The following CSMD1 variants were observed in gnomAD, a reference collection of about 807,000 sequenced individuals.
CSMD1 encodes CUB and Sushi multiple domains 1.
A neutral mutation model predicts 417.5 loss-of-function variants in CSMD1; 213 were observed. The observed-to-expected ratio is 0.51, with a 90% CI of 0.46 to 0.57. CSMD1 has a LOEUF of 0.57. CSMD1 is among the 20% of genes least tolerant of loss of function. CSMD1 has a pLI of 0.00. For missense variants in CSMD1, 6,923 were observed against 4,529.7 expected (o/e 1.53, Z -15.17); for synonymous variants, 2,862 against 1,736.8 (o/e 1.65, Z -16.11).
intron 3 of CSMD1, among the ~76,000 whole-genome samples, chr8:4,313,233 A>G (rs886285966): frequency 6.6e-6 from 1 of 152,046 alleles, no homozygotes; most frequent in African/African-American, 2.4e-5. Flanking sequence ...CCCTGAAAAA[A>G]CCTAGTTGGC....
chr8:3,631,987 T>G (rs1477521120), intron 7 of CSMD1, among the ~76,000 whole-genome samples: 2 of 152,236 alleles, frequency 1.3e-5, no homozygotes, highest in Non-Finnish European at 2.9e-5. Flanking sequence ...CATTGTACAC[T>G]TAGAAATTAC....
chr8:3,945,178 CAAA>C (rs138900503), intron 5 of CSMD1, among the ~76,000 whole-genome samples: 26,536 of 119,146 alleles, frequency 0.22, 1,893 homozygotes, highest in South Asian at 0.29. Flanking sequence ...ATGAGAAAGA[CAAA>C]AAAAAAAAAA....
intron 5 of CSMD1, among the ~76,000 whole-genome samples, chr8:3,855,273 A>G (rs1345429049): frequency 6.6e-6 from 1 of 152,226 alleles, no homozygotes; most frequent in East Asian, 1.9e-4. Context: ...ATTGCATACA[A>G]AAATCTGTCT....
intron 3 of CSMD1, among the ~76,000 whole-genome samples, chr8:4,314,231 C>A (rs1338153247): frequency 1.3e-5 from 2 of 151,928 alleles, no homozygotes; most frequent in African/African-American, 4.8e-5. Context: ...AGTTAAGTCA[C>A]AACACAATGC....
intron 11 of CSMD1, among the ~76,000 whole-genome samples, chr8:3,473,239 G>A (rs1817208338): frequency 6.6e-6 from 1 of 152,108 alleles, no homozygotes; most frequent in African/African-American, 2.4e-5. Context: ...GAAACAGTCA[G>A]CAAGCACACT....
intron 36 of CSMD1, among the ~76,000 whole-genome samples, chr8:3,187,591 C>A (rs1796137379): frequency 6.6e-6 from 1 of 152,118 alleles, no homozygotes; most frequent in South Asian, 2.1e-4. Context: ...CATTACTATT[C>A]CTGGCTTCTG....
chr8:2,978,981 A>G (rs1456755238), intron 54 of CSMD1, among the ~76,000 whole-genome samples, 181 bp from the exon 55 acceptor site: 2 of 152,166 alleles, frequency 1.3e-5, no homozygotes, highest in African/African-American at 4.8e-5. Context: ...CTCTTTTTCA[A>G]GAGGTGTCAA....
chr8:3,880,553 T>A (rs1003455950), intron 5 of CSMD1, among the ~76,000 whole-genome samples: 2 of 152,314 alleles, frequency 1.3e-5, no homozygotes, highest in Middle Eastern at 3.4e-3. Context: ...TGCTTCTCAG[T>A]AGCATTGTGA....
At chr8:3,228,561 T>G (rs1438979640) in intron 27 of CSMD1, among the ~76,000 whole-genome samples, 1 of 152,222 alleles carries the variant, frequency 6.6e-6, no homozygotes, top group Admixed American at 6.5e-5. Flanking sequence ...ATTTACCTTT[T>G]GGTGCGTATT....
chr8:3,716,564 G>A (rs548959323), intron 6 of CSMD1, among the ~76,000 whole-genome samples: 1 of 152,114 alleles, frequency 6.6e-6, no homozygotes, highest in Admixed American at 6.6e-5. Flanking sequence ...TCCCCGTCTT[G>A]GTTTCGGGAG....
Position 4,798,718 on chromosome 8 carries a change from A to G in CSMD1, c.86-161160T>C, listed in dbSNP as rs563727500. 2.0e-5 allele frequency among the ~76,000 whole-genome samples: 3 copies of G among 152,360 alleles called. No individual in the cohort carries two copies. In the East Asian group the frequency reaches 5.8e-4, roughly 29 times the overall value. On this transcript the variant is annotated intron_variant, in intron 1 of 69. Coordinates refer to ENST00000635120, the MANE Select transcript of CSMD1 (RefSeq NM_033225.6). ...GAAAAATACCAATTTGTTAAAAAAAAGTAGAAACTTACATTTATTAATAGG... is the reference window on the plus strand; with the variant it reads ...GAAAAATACCAATTTGTTAAAAAAAGGTAGAAACTTACATTTATTAATAGG...
At chr8:4,019,108 T>C (rs1796661248) in intron 4 of CSMD1, among the ~76,000 whole-genome samples, 1 of 152,196 alleles carries the variant, frequency 6.6e-6, no homozygotes, top group African/African-American at 2.4e-5. Context: ...GCTAGATACA[T>C]ATTTTTGTAC....
At chr8:4,201,601 T>C (rs573904513) in intron 3 of CSMD1, among the ~76,000 whole-genome samples, 2 of 133,100 alleles carry the variant, frequency 1.5e-5, no homozygotes, top group African/African-American at 2.8e-5. Flanking sequence ...GCAACAACTG[T>C]AGAAGAAAAT....
intron 17 of CSMD1, among the ~76,000 whole-genome samples, chr8:3,390,063 T>G (rs549496248): frequency 6.6e-6 from 1 of 152,092 alleles, no homozygotes; most frequent in South Asian, 2.1e-4. Context: ...AGAAAGAACA[T>G]CTGGAATTTG....
intron 1 of CSMD1, among the ~76,000 whole-genome samples, chr8:4,983,172 G>A (rs957425898): frequency 3.3e-5 from 5 of 152,256 alleles, no homozygotes; most frequent in East Asian, 3.9e-4. Context: ...TGAATATAGG[G>A]TTTCAAAGCT....
intron 2 of CSMD1, among the ~76,000 whole-genome samples, chr8:4,551,813 G>A (rs1176857620): frequency 6.6e-6 from 1 of 151,786 alleles, no homozygotes; most frequent in Non-Finnish European, 1.5e-5. Flanking sequence ...CTAGTAGCTG[G>A]GATACCTGGC....
intron 1 of CSMD1, among the ~76,000 whole-genome samples, chr8:4,712,326 C>G (rs918628145): frequency 6.6e-6 from 1 of 152,188 alleles, no homozygotes; most frequent in East Asian, 1.9e-4. Context: ...TCACTTCCAA[C>G]CACGCATTTC....
chr8:4,244,743 C>T (rs1802601235), intron 3 of CSMD1, among the ~76,000 whole-genome samples: 1 of 151,892 alleles, frequency 6.6e-6, no homozygotes, highest in South Asian at 2.1e-4. Context: ...AATTTTTTTA[C>T]AGTGAAGAGT....
chr8:4,050,862 AG>A (rs1798389374), intron 3 of CSMD1, among the ~76,000 whole-genome samples: 1 of 152,174 alleles, frequency 6.6e-6, no homozygotes, highest in Admixed American at 6.5e-5. Flanking sequence ...TGGATCTGAA[AG>A]GGCACTTCTA....
Sources: gnomAD v4.1 joint callset for allele counts (sites outside exome capture counted in the v4.1 genomes callset) on GRCh38, gnomAD v4.1.1 for gene constraint, MANE v1.5 for transcripts, NCBI Gene and HGNC (gene_info 2026-07-23, HGNC 2026-07-21) for gene names.